Variants in GRIA3 observed in about 807,000 individuals in gnomAD.
The protein encoded by GRIA3 is glutamate receptor 3.
In GRIA3, 3 loss-of-function variants were observed where a neutral mutation model predicts 63.0. The ratio of observed to expected loss-of-function variants is 0.05; its 90% CI spans 0.02 to 0.12. The LOEUF (loss-of-function observed/expected upper bound fraction) is 0.12, where lower values mean the gene tolerates loss of function less well. Ranked by LOEUF, GRIA3 falls within the 10% of genes least tolerant of loss-of-function variation. The pLI is 1.00. For missense variants in GRIA3, 347 were observed against 700.9 expected (o/e 0.50, Z 5.70); for synonymous variants, 274 against 257.9 (o/e 1.06, Z -0.60).
intron 12 of GRIA3, among the ~76,000 whole-genome samples, chrX:123,455,457 T>A (rs1310006409): frequency 8.9e-6 from 1 of 112,283 alleles, no homozygotes; most frequent in Non-Finnish European, 1.9e-5. Flanking sequence ...AATGATTCCT[T>A]TTTCCAAATG....
intron 5 of GRIA3, among the ~76,000 whole-genome samples, chrX:123,362,474 C>G (rs957372412): frequency 2.7e-5 from 3 of 111,171 alleles, no homozygotes; most frequent in Non-Finnish European, 5.7e-5. Context: ...AGTCCTGAGG[C>G]AGAAAACAGC....
At chrX:123,439,282 G>A (rs894188280) in intron 12 of GRIA3, among the ~76,000 whole-genome samples, 1 of 111,856 alleles carries the variant, frequency 8.9e-6, no homozygotes, top group Non-Finnish European at 1.9e-5. Context: ...TTGGAAGAGA[G>A]GGGCTTGGAT....
At chrX:123,384,482 G>A (rs868183285) in intron 5 of GRIA3, among the ~76,000 whole-genome samples, 7 of 111,417 alleles carry the variant, frequency 6.3e-5, no homozygotes, top group East Asian at 2.8e-4. Context: ...AAAATTAGCC[G>A]GGCGTGGTGA....
At chrX:123,487,420 C>T (rs2045947741) in intron 15 of GRIA3, among the ~76,000 whole-genome samples, 1 of 111,804 alleles carries the variant, frequency 8.9e-6, no homozygotes, top group African/African-American at 3.3e-5. Flanking sequence ...TGGATGCAGC[C>T]CATTTTCAAA....
chrX:123,294,665 G>A (rs1026094875), intron 3 of GRIA3, among the ~76,000 whole-genome samples: 6 of 110,997 alleles, frequency 5.4e-5, no homozygotes, highest in Non-Finnish European at 7.6e-5. Flanking sequence ...TGTGGGTACG[G>A]CTGGGAATAC....
intron 2 of GRIA3, among the ~76,000 whole-genome samples, chrX:123,218,685 T>C (rs1260553512): frequency 9.0e-6 from 1 of 111,628 alleles, no homozygotes; most frequent in African/African-American, 3.3e-5. Flanking sequence ...CAAGTGGACT[T>C]AGCAGGCCTG....
chrX:123,338,906 G>C (rs531974571), intron 4 of GRIA3, among the ~76,000 whole-genome samples: 25 of 112,370 alleles, frequency 2.2e-4, no homozygotes, highest in African/African-American at 7.4e-4. Flanking sequence ...TCTAGGTACT[G>C]GAGGATTTAT....
intron 12 of GRIA3, among the ~76,000 whole-genome samples, chrX:123,431,864 C>G (rs1481068016): frequency 8.9e-6 from 1 of 111,860 alleles, no homozygotes; most frequent in Non-Finnish European, 1.9e-5. Context: ...ACACCCAAAA[C>G]ATTTTATACA....
intron 4 of GRIA3, among the ~76,000 whole-genome samples, chrX:123,346,177 C>T (rs2147345237): frequency 8.9e-6 from 1 of 111,766 alleles, no homozygotes; most frequent in Admixed American, 9.5e-5. Context: ...TCTACTGCCT[C>T]TCGACTATTG....
At chrX:123,226,814 G>T (rs1292625448) in intron 2 of GRIA3, among the ~76,000 whole-genome samples, 1 of 111,742 alleles carries the variant, frequency 8.9e-6, no homozygotes. Flanking sequence ...ATTCTTGTAT[G>T]CAGTTCATCA....
intron 2 of GRIA3, among the ~76,000 whole-genome samples, chrX:123,229,992 GA>G (rs975143005): frequency 8.9e-6 from 1 of 111,751 alleles, no homozygotes; most frequent in African/African-American, 3.2e-5. Flanking sequence ...TGCTGAGGGG[GA>G]AGTCAGCATG....
chrX:123,378,730 G>A (rs952620780), intron 5 of GRIA3, among the ~76,000 whole-genome samples: 1 of 110,961 alleles, frequency 9.0e-6, no homozygotes, highest in African/African-American at 3.3e-5. Context: ...GACCTTTTGT[G>A]GCCAACTCTT....
chrX:123,320,146 C>T (rs1366983664), intron 3 of GRIA3, among the ~76,000 whole-genome samples: 1 of 111,457 alleles, frequency 9.0e-6, no homozygotes. Context: ...GGAATGGACA[C>T]TAACCTTCTG....
chrX:123,341,083 T>C (rs1427194547), intron 4 of GRIA3, among the ~76,000 whole-genome samples: 2 of 112,199 alleles, frequency 1.8e-5, no homozygotes, highest in African/African-American at 6.5e-5. Context: ...AGCAAGCTCC[T>C]TTAATGAGTT....
chrX:123,265,147 T>C (rs928463919), intron 3 of GRIA3, among the ~76,000 whole-genome samples: 2 of 110,752 alleles, frequency 1.8e-5, no homozygotes, highest in African/African-American at 6.6e-5. Context: ...CATGGACATA[T>C]AAAAAAAAAA....
chrX:123,293,831 A>G (rs1412473216), intron 3 of GRIA3, among the ~76,000 whole-genome samples: 1 of 110,905 alleles, frequency 9.0e-6, no homozygotes, highest in Non-Finnish European at 1.9e-5. Context: ...CAATAATCCC[A>G]TGAAGTAGAT....
chrX:123,486,248 C>T (rs1333327800), intron 15 of GRIA3, among the ~76,000 whole-genome samples: 3 of 111,337 alleles, frequency 2.7e-5, no homozygotes, highest in Non-Finnish European at 3.8e-5. Context: ...CATAATGTTG[C>T]CATCCAAAAG....
intron 3 of GRIA3, among the ~76,000 whole-genome samples, chrX:123,275,004 T>A (rs899728716): frequency 1.2e-4 from 13 of 110,889 alleles, no homozygotes; most frequent in African/African-American, 3.9e-4. Context: ...GGCATTCAAA[T>A]TGAGAAAATG....
intron 12 of GRIA3, among the ~76,000 whole-genome samples, chrX:123,459,254 T>C (rs2045779984): frequency 9.0e-6 from 1 of 111,522 alleles, no homozygotes; most frequent in Non-Finnish European, 1.9e-5. Context: ...CACTGCACTA[T>C]ATAGTTACTT....
Sources: gnomAD v4.1 joint callset for allele counts (sites outside exome capture counted in the v4.1 genomes callset) on GRCh38, gnomAD v4.1.1 for gene constraint, MANE v1.5 for transcripts, NCBI Gene and HGNC (gene_info 2026-07-23, HGNC 2026-07-21) for gene names.